NEO1: variants seen among roughly 807,000 people sequenced by gnomAD.
NEO1 encodes neogenin 1.
NEO1 carries 63 observed loss-of-function variants against 159.7 expected under a neutral mutation model. The ratio of observed to expected loss-of-function variants is 0.39; its 90% CI spans 0.32 to 0.49. The LOEUF is 0.49. NEO1 is among the 20% of genes least tolerant of loss of function. The probability of loss-of-function intolerance (pLI) is 0.85; values close to 1 mark genes in which losing one functional copy is unlikely to be tolerated. For missense variants in NEO1, 1,615 were observed against 1,831.0 expected, an observed-to-expected ratio of 0.88 and a Z score of 2.15; for synonymous variants, 633 against 662.0, an observed-to-expected ratio of 0.96 and a Z score of 0.67.
intron 21 of NEO1, among the ~76,000 whole-genome samples, chr15:73,277,321 TGCTTTTCCCAAGCA>T (rs2041466527): frequency 6.6e-6 from 1 of 152,236 alleles, no homozygotes; most frequent in South Asian, 2.1e-4. Flanking sequence ...TCCTCGTATT[TGCTTTTCCCAAGCA>T]GCTTTTCCTA....
At chr15:73,222,393 C>T (rs1208711657) in intron 7 of NEO1, among the ~76,000 whole-genome samples, 5 of 151,872 alleles carry the variant, frequency 3.3e-5, no homozygotes, top group South Asian at 2.1e-4. Context: ...TGTGAGCCAC[C>T]GTGCCTGGCG....
Position 73,288,316 on chromosome 15 carries a change from A to T in NEO1, c.3414A>T (p.Lys1138Asn). ...TRRTTSHQKK[K>N]RAACKSVNGS... ...CTCCTCTGAACTTCGTGCCTAGGAA[A>T]CGAGCTGCCTGCAAATCAGTGAATG... The change falls in exon 24 of 29, where the codon AAA (lysine) becomes AAT (asparagine). Residue 1138 changes from lysine to asparagine, a missense_variant. This residue lies in a region of NEO1 where 471 missense variants were observed against 498.9 expected (regional missense o/e 0.94). Transcript: ENST00000261908. The T allele has an allele frequency of 6.2e-7, 1 of 1,611,566 alleles. No individual in the cohort carries two copies. The highest frequency in any genetic ancestry group is 8.5e-7 in the Non-Finnish European group (1 of 1,177,788).
At chr15:73,151,781 T>G (rs1045867668) in intron 5 of NEO1, among the ~76,000 whole-genome samples, 2 of 152,118 alleles carry the variant, frequency 1.3e-5, no homozygotes, top group Non-Finnish European at 2.9e-5. Context: ...AAGATGAGAT[T>G]TGGGTGGGGA....
chr15:73,292,107 C>T (rs906959273), intron 25 of NEO1, among the ~76,000 whole-genome samples: 22 of 152,116 alleles, frequency 1.4e-4, no homozygotes, highest in African/African-American at 5.3e-4. Flanking sequence ...TTTTGTTCCT[C>T]AGGCCTTGAG....
intron 7 of NEO1, among the ~76,000 whole-genome samples, chr15:73,195,210 TAAAG>T (rs2036469395): frequency 6.6e-6 from 1 of 152,216 alleles, no homozygotes; most frequent in Non-Finnish European, 1.5e-5. Flanking sequence ...TATTTTGTTA[TAAAG>T]AAAGAATCTA....
At chr15:73,190,589 A>T (rs2036186907) in intron 7 of NEO1, among the ~76,000 whole-genome samples, 2 of 152,198 alleles carry the variant, frequency 1.3e-5, no homozygotes, top group South Asian at 4.1e-4. Flanking sequence ...GCCTGGCATG[A>T]TTAAAAGTTG....
chr15:73,082,445 A>T (rs1218690275), intron 1 of NEO1, among the ~76,000 whole-genome samples: 1 of 152,180 alleles, frequency 6.6e-6, no homozygotes, highest in Non-Finnish European at 1.5e-5. Context: ...TTTGAAGATG[A>T]GCTTTTGAGA....
At position 73,252,184 on chromosome 15, in the gene NEO1, C is replaced by T. The variant is rs1023648373; in HGVS notation, c.1895-1216C>T. ...CTTCCAGAAGCTATAGCACAGTGGGCACTTAGTTGTATACCTGGTCACCAA... is the reference window on the plus strand; with the variant it reads ...CTTCCAGAAGCTATAGCACAGTGGGTACTTAGTTGTATACCTGGTCACCAA... On this transcript the variant is annotated intron_variant, in intron 11 of 28. Transcript: ENST00000261908. 2.0e-5 allele frequency among the ~76,000 whole-genome samples: 3 copies of T among 152,166 alleles called. No homozygotes were observed. In the East Asian group the frequency reaches 5.8e-4, roughly 29 times the overall value.
chr15:73,280,001 CAT>C (rs772116710), intron 22 of NEO1, among the ~76,000 whole-genome samples: 7 of 152,296 alleles, frequency 4.6e-5, no homozygotes, highest in Admixed American at 6.5e-5. Flanking sequence ...CTACAAATAA[CAT>C]GTGAAATATC....
intron 26 of NEO1, among the ~76,000 whole-genome samples, chr15:73,295,566 A>G (rs957427262): frequency 3.9e-5 from 6 of 151,910 alleles, no homozygotes; most frequent in East Asian, 1.9e-4. Flanking sequence ...AAGTGAAGAG[A>G]GGGGGAAAGA....
chr15:73,270,772 ATGCT>A (rs2041129999), intron 18 of NEO1, among the ~76,000 whole-genome samples: 1 of 152,234 alleles, frequency 6.6e-6, no homozygotes. Flanking sequence ...TTCCAATGCC[ATGCT>A]TGCTTGGAGC....
chr15:73,074,143 G>T (rs2068660743), intron 1 of NEO1, among the ~76,000 whole-genome samples: 1 of 152,132 alleles, frequency 6.6e-6, no homozygotes, highest in African/African-American at 2.4e-5. Flanking sequence ...ACTCATTTGA[G>T]GACTCAAGTC....
At position 73,253,463 on chromosome 15, in the gene NEO1, A is replaced by T; in HGVS notation, c.1944+14A>T. On this transcript the variant is annotated intron_variant, in intron 12 of 28. Coordinates refer to ENST00000261908, the MANE Select transcript of NEO1 (RefSeq NM_002499.4). ...AGAAATTCAAAGGTAAAACTGTATG[A>T]TGCTGCTGTTCATTTTTACTGGTAT... 4 of 1,588,682 alleles carry T rather than the reference A, an allele frequency of 2.5e-6. No individual in the cohort carries two copies. Among genetic ancestry groups the T allele is most frequent in the Middle Eastern group, 3.4e-4 (2 of 5,970 alleles).
In NEO1 at chr15:73,120,863, T is replaced by A. The variant is rs569149175; in HGVS notation, c.449-1662T>A. Among the ~76,000 whole-genome samples the A allele has an allele frequency of 2.1e-3, 325 of 152,278 alleles. 1 individual carries two copies. Among genetic ancestry groups the A allele is most frequent in the Admixed American group, 3.6e-3 (55 of 15,286 alleles). ...GTTCACATTTTATTTTGAGATCATT[T>A]TAAACGTAGGGAGTAGGTGCAAGAA... is the stretch of plus-strand genomic sequence containing the variant. On this transcript the variant is annotated intron_variant, in intron 2 of 28. Transcript: ENST00000261908.
At chr15:73,209,670 A>G (rs1008509724) in intron 7 of NEO1, among the ~76,000 whole-genome samples, 3 of 152,136 alleles carry the variant, frequency 2.0e-5, no homozygotes, top group African/African-American at 4.8e-5. Context: ...ACCATTAGCA[A>G]TTCTGATTGA....
chr15:73,066,149 C>G (rs1448190979), intron 1 of NEO1, among the ~76,000 whole-genome samples: 2 of 150,990 alleles, frequency 1.3e-5, no homozygotes, highest in East Asian at 1.9e-4. Context: ...TCCCAAGTAG[C>G]TGGGACTACA....
intron 7 of NEO1, among the ~76,000 whole-genome samples, chr15:73,189,731 A>G (rs1318922695): frequency 3.3e-5 from 5 of 152,200 alleles, no homozygotes; most frequent in East Asian, 3.8e-4. Flanking sequence ...TAACATGACT[A>G]TTAGGTTAAT....
intron 26 of NEO1, among the ~76,000 whole-genome samples, chr15:73,297,522 G>A (rs1482903172): frequency 1.3e-5 from 2 of 152,204 alleles, no homozygotes; most frequent in Admixed American, 1.3e-4. Context: ...AAGAAACTGA[G>A]ACTCAGAGAT....
At chr15:73,240,828 A>G (rs1180804896) in intron 8 of NEO1, among the ~76,000 whole-genome samples, 1 of 152,232 alleles carries the variant, frequency 6.6e-6, no homozygotes, top group African/African-American at 2.4e-5. Flanking sequence ...TCATTACTTT[A>G]TGATTTCTGA....
Sources: gnomAD v4.1 joint callset for allele counts (sites outside exome capture counted in the v4.1 genomes callset) on GRCh38, gnomAD v4.1.1 for gene constraint, gnomAD v4.1.1 regional missense constraint, MANE v1.5 for transcripts, NCBI Gene and HGNC (gene_info 2026-07-23, HGNC 2026-07-21) for gene names.